Variants in USP9Y observed in about 807,000 individuals in gnomAD.
The protein encoded by USP9Y is ubiquitin specific peptidase 9 Y-linked, also known as ubiquitin carboxyl-terminal hydrolase 9Y.
In USP9Y, 41 loss-of-function variants were observed where a neutral mutation model predicts 53.1. The ratio of observed to expected loss-of-function variants is 0.77; its 90% CI spans 0.60 to 1.00. USP9Y has a LOEUF of 1.00. USP9Y is among the 50% of genes least tolerant of loss of function. The pLI, the probability that USP9Y is intolerant of heterozygous loss-of-function variation, is 0.00. For missense variants in USP9Y, 567 were observed against 535.8 expected (o/e 1.06, Z -0.58); for synonymous variants, 220 against 173.7 (o/e 1.27, Z -2.09).
intron 3 of USP9Y, among the ~76,000 whole-genome samples, chrY:12,715,991 T>C (rs1603195811): frequency 2.9e-5 from 1 of 34,053 alleles, no homozygotes; most frequent in Non-Finnish European, 7.3e-5. Context: ...TTGATTTCAT[T>C]GGTTTTTCTT....
At chrY:12,711,881 C>T (rs2053425244) in intron 3 of USP9Y, among the ~76,000 whole-genome samples, 1 of 33,114 alleles carries the variant, frequency 3.0e-5, no homozygotes, top group Admixed American at 2.7e-4. Context: ...CTGCCTCAGC[C>T]TCCCAAAGTG....
chrY:12,765,084 T>C (rs2053479092), intron 15 of USP9Y, among the ~76,000 whole-genome samples: 2 of 33,774 alleles, frequency 5.9e-5, no homozygotes, highest in Non-Finnish European at 1.5e-4. Context: ...AAACAGCTGA[T>C]TAAAACATAT....
At chrY:12,720,078 A>G in intron 3 of USP9Y, among the ~76,000 whole-genome samples, 1 of 30,972 alleles carries the variant, frequency 3.2e-5, no homozygotes, top group Non-Finnish European at 7.9e-5. Context: ...GAGCCACCAC[A>G]CCCGGCCGCC....
At position 12,813,009 on chromosome Y, in the gene USP9Y, A is replaced by AT. The variant is rs2053532822; in HGVS notation, c.4566_4567insT (p.Asp1523Ter). On this transcript the variant is annotated frameshift_variant, in exon 31 of 46. Transcript: ENST00000338981. LOFTEE classifies it high-confidence loss of function. ...GTGTGAGGAATCTCAAACAGATAGTAGACTGTTTGACTGAAATGTATTACA... is the reference window on the plus strand; with the variant it reads ...GTGTGAGGAATCTCAAACAGATAGTATGACTGTTTGACTGAAATGTATTACA... The AT allele has an allele frequency of 2.5e-6, 1 of 396,201 alleles. No individual in the cohort carries two copies. The highest frequency in any genetic ancestry group is 3.5e-6 in the Non-Finnish European group (1 of 282,420).
intron 24 of USP9Y, among the ~76,000 whole-genome samples, chrY:12,789,167 T>C (rs753657355): frequency 3.0e-5 from 1 of 33,716 alleles, no homozygotes; most frequent in South Asian, 6.6e-4. Flanking sequence ...GAAAATAATA[T>C]GTACATAACA....
intron 33 of USP9Y, among the ~76,000 whole-genome samples, chrY:12,833,462 A>T: frequency 5.9e-5 from 2 of 33,893 alleles, no homozygotes; most frequent in African/African-American, 2.3e-4. Flanking sequence ...ACATTATTCT[A>T]AACCTACTAT....
At chrY:12,818,299 A>G in intron 32 of USP9Y, 121 bp from the exon 33 acceptor site, 1 of 185,508 alleles carries the variant, frequency 5.4e-6, no homozygotes, top group South Asian at 4.5e-5. Context: ...AGTGCTTTGG[A>G]AGTAAGAAAT....
intron 42 of USP9Y, among the ~76,000 whole-genome samples, chrY:12,851,612 T>G: frequency 3.6e-5 from 1 of 27,847 alleles, no homozygotes; most frequent in Non-Finnish European, 8.4e-5. Flanking sequence ...TTCACAGCCT[T>G]GATGATCTTT....
intron 27 of USP9Y, among the ~76,000 whole-genome samples, chrY:12,804,912 C>T: frequency 1.4e-4 from 4 of 29,092 alleles, no homozygotes; most frequent in Non-Finnish European, 3.3e-4. Context: ...GAGCCAAGAT[C>T]GCACCACTGC....
At chrY:12,786,976 A>G in intron 24 of USP9Y, among the ~76,000 whole-genome samples, 176 bp downstream of exon 24, 2 of 33,664 alleles carry the variant, frequency 5.9e-5, no homozygotes, top group African/African-American at 1.2e-4. Context: ...AGTTGTATTT[A>G]TATTAAAAAT....
chrY:12,785,170 T>G, intron 22 of USP9Y, among the ~76,000 whole-genome samples: 1 of 33,357 alleles, frequency 3.0e-5, no homozygotes, highest in Non-Finnish European at 7.4e-5. Context: ...TATTTCTTCC[T>G]GCTCCCCTAC....
At position 12,859,654 on chromosome Y, in the gene USP9Y, G is replaced by C; in HGVS notation, c.*238G>C. The C allele has an allele frequency of 1.1e-4, 11 of 98,392 alleles. No individual in the cohort carries two copies. The highest frequency in any genetic ancestry group is 6.5e-4 in the South Asian group (11 of 16,796). 24.5% of individuals were successfully genotyped at this position (98,392 alleles called of 400,897 possible). A position where few individuals can be genotyped will look rare whatever the true frequency, so the allele number is the denominator to read the frequency against. ...CTGGTCCTAATCTGTAAATGAGAAAGGTATATATACTATGTTAATGTCTGA... is the reference window on the plus strand; with the variant it reads ...CTGGTCCTAATCTGTAAATGAGAAACGTATATATACTATGTTAATGTCTGA... On this transcript the variant is annotated 3_prime_UTR_variant, in exon 46 of 46. Coordinates refer to ENST00000338981, the MANE Select transcript of USP9Y (RefSeq NM_004654.4).
At position 12,793,182 on chromosome Y, in the gene USP9Y, T is replaced by C. The variant is rs751356095; in HGVS notation, c.3964T>C (p.Leu1322=). The change falls in exon 27 of 46, where the codon TTA becomes CTA. Residue 1322 remains leucine (L), a synonymous_variant. Coordinates refer to ENST00000338981, the MANE Select transcript of USP9Y (RefSeq NM_004654.4). ...CTGGCAGACCTTCATCATTGACTTA[T>C]TATTGCACTGTCCAAGCAAGTATGT... is the stretch of plus-strand genomic sequence containing the variant. ...KAWQTFIIDL[L]LHCPSKTVRQ... is the part of the protein sequence containing the mutation. 2.5e-6 allele frequency: 1 copy of C among 398,119 alleles called. No individual in the cohort carries two copies. The highest frequency in any genetic ancestry group is 3.5e-6 in the Non-Finnish European group (1 of 282,970).
At chrY:12,806,747 GT>G (rs2053524873) in intron 27 of USP9Y, among the ~76,000 whole-genome samples, 4 of 33,606 alleles carry the variant, frequency 1.2e-4, no homozygotes, top group Non-Finnish European at 2.9e-4. Flanking sequence ...TTTCTGAGCT[GT>G]TTGTTGTTAA....
chrY:12,707,733 AT>A (rs2053420592), intron 1 of USP9Y, among the ~76,000 whole-genome samples: 1 of 26,513 alleles, frequency 3.8e-5, no homozygotes, highest in East Asian at 9.5e-4. Flanking sequence ...TCAAGTTTTA[AT>A]TTTTTTCTTT....
chrY:12,709,098 G>A, intron 2 of USP9Y, among the ~76,000 whole-genome samples: 1 of 32,824 alleles, frequency 3.0e-5, no homozygotes, highest in Non-Finnish European at 7.5e-5. Flanking sequence ...ACACCCAGCT[G>A]TATTTTATAT....
intron 24 of USP9Y, among the ~76,000 whole-genome samples, chrY:12,789,217 G>C (rs2053505006): frequency 3.0e-5 from 1 of 33,658 alleles, no homozygotes; most frequent in Non-Finnish European, 7.3e-5. Context: ...TGGAAACAGT[G>C]GCTGGAAGTA....
intron 12 of USP9Y, among the ~76,000 whole-genome samples, chrY:12,740,370 A>G: frequency 3.0e-5 from 1 of 33,687 alleles, no homozygotes; most frequent in East Asian, 7.8e-4. Context: ...AATGAAGGAA[A>G]CAACTTAAAT....
chrY:12,770,279 G>A (rs199874646), intron 15 of USP9Y, among the ~76,000 whole-genome samples: 1 of 32,279 alleles, frequency 3.1e-5, no homozygotes, highest in East Asian at 8.5e-4. Context: ...GCATGGTGGT[G>A]TGCACCTGTA....
Sources: gnomAD v4.1 joint callset for allele counts (sites outside exome capture counted in the v4.1 genomes callset) on GRCh38, gnomAD v4.1.1 for gene constraint, MANE v1.5 for transcripts, NCBI Gene and HGNC (gene_info 2026-07-23, HGNC 2026-07-21) for gene names.